Variants in LIMS2 observed in about 807,000 individuals in gnomAD.
LIMS2 encodes the protein LIM and senescent cell antigen-like-containing domain protein 2.
A neutral mutation model predicts 45.3 loss-of-function variants in LIMS2; 30 were observed. The ratio of observed to expected loss-of-function variants is 0.66; its 90% CI spans 0.50 to 0.90. LIMS2 has a LOEUF of 0.90. Among genes scored for constraint, LIMS2 ranks in the 40% least tolerant of loss-of-function variants. The pLI, the probability that LIMS2 is intolerant of heterozygous loss-of-function variation, is 0.00. For missense variants in LIMS2, 485 were observed against 468.7 expected, an observed-to-expected ratio of 1.03 and a Z score of -0.32; for synonymous variants, 173 against 188.0, an observed-to-expected ratio of 0.92 and a Z score of 0.65.
chr2:127,643,079 G>A lies in LIMS2; in HGVS notation c.360-7C>T. 1 of 1,567,316 alleles carries A rather than the reference G, an allele frequency of 6.4e-7. No individual in the cohort carries two copies. The highest frequency in any genetic ancestry group is 8.6e-7 in the Non-Finnish European group (1 of 1,157,944). On this transcript the variant is annotated splice_polypyrimidine_tract_variant and splice_region_variant and intron_variant, in intron 4 of 9. Coordinates refer to ENST00000355119, the MANE Select transcript of LIMS2 (RefSeq NM_001161403.3). ...GCAAGGCCGGCAGAGATGCCTGCGGGAGGCGGGGGCATTAGGGGCAGAGCC... is the reference window on the plus strand; with the variant it reads ...GCAAGGCCGGCAGAGATGCCTGCGGAAGGCGGGGGCATTAGGGGCAGAGCC...
rs35337080 is a variant in LIMS2 at position 127,644,404 on chromosome 2, T to C, written c.360-1332A>G. ...AAGCAGTTGTGGCCTGTGGCTTCAG[T>C]CTTCATCACCACAATCCCTGAAGCC... On this transcript the variant is annotated intron_variant, in intron 4 of 9. Transcript: ENST00000355119. Among the ~76,000 whole-genome samples, 82 of 152,286 alleles carry C rather than the reference T, an allele frequency of 5.4e-4. 1 individual carries two copies. The East Asian group carries it at 0.015, about 28-fold the overall frequency.
At chr2:127,645,667 C>T (rs1257637048) in intron 4 of LIMS2, among the ~76,000 whole-genome samples, 1 of 152,272 alleles carries the variant, frequency 6.6e-6, no homozygotes, top group African/African-American at 2.4e-5. Flanking sequence ...CCTCATTATA[C>T]AGGGCAGGAC....
chr2:127,639,000 G>A lies in LIMS2; in HGVS notation c.*281C>T, dbSNP rs1229817795. 1 of 439,418 alleles carries A rather than the reference G, an allele frequency of 2.3e-6. No individual in the cohort carries two copies. Among genetic ancestry groups the A allele is most frequent in the East Asian group, 4.3e-5 (1 of 23,182 alleles). The allele number at this position is 439,418 out of a possible 1,614,324, so 27.2% of individuals were successfully genotyped here. ...AATTTGCTCCTGTCCCTGGAGGTCT[G>A]TGGGCGGAAGCTGTGGGCACAGGTG... is the stretch of plus-strand genomic sequence containing the variant. On this transcript the variant is annotated 3_prime_UTR_variant, in exon 10 of 10. Coordinates refer to ENST00000355119, the MANE Select transcript of LIMS2 (RefSeq NM_001161403.3).
chr2:127,679,871 C>T (rs543588437), upstream of LIMS2, among the ~76,000 whole-genome samples: 1 of 152,308 alleles, frequency 6.6e-6, no homozygotes, highest in East Asian at 1.9e-4. This position sits in a 1 kb window ranked among gnomAD's most constrained non-coding sequence, Gnocchi z 5.3. Context: ...TCAGGGTCTC[C>T]TGCCACAGCC....
At chr2:127,660,256 A>T (rs1463939477) in intron 1 of LIMS2, among the ~76,000 whole-genome samples, 1 of 152,204 alleles carries the variant, frequency 6.6e-6, no homozygotes, top group Non-Finnish European at 1.5e-5. Flanking sequence ...AATCAGCAGG[A>T]TGTGGGAGGG....
Position 127,642,390 on chromosome 2 carries a change from C to A in LIMS2, c.510-191G>T, listed in dbSNP as rs539301881. The A allele has an allele frequency of 5.6e-4, 333 of 595,754 alleles. 1 individual carries two copies. The African/African-American group carries it at 5.8e-3, about 10-fold the overall frequency. The allele number at this position is 595,754 out of a possible 1,614,324, so 36.9% of individuals were successfully genotyped here. A position where few individuals can be genotyped will look rare whatever the true frequency, so the allele number is the denominator to read the frequency against. On this transcript the variant is annotated intron_variant, in intron 5 of 9. Transcript: ENST00000355119. This position sits in a 1 kb window ranked among gnomAD's most constrained non-coding sequence, Gnocchi z 5.3. ...CCCCAGACAGGCCCTGGAGCACAGA[C>A]TTCCTGCACAGCCCAGAAGAGTGGG...
chr2:127,673,168 A>T (rs1207877683), intron 1 of LIMS2, among the ~76,000 whole-genome samples: 1 of 152,192 alleles, frequency 6.6e-6, no homozygotes, highest in Non-Finnish European at 1.5e-5. Context: ...GAGCGGGTGC[A>T]TTACACTCAG....
exon 1 of LIMS2, chr2:127,681,633 C>T (rs1254865152): frequency 6.6e-6 from 1 of 152,272 alleles, no homozygotes; most frequent in Non-Finnish European, 1.5e-5. Flanking sequence ...GGGCCCAGAG[C>T]CAGGCCCACA....
rs1446194098 is a variant in LIMS2 at position 127,643,545 on chromosome 2, C to T, written c.360-473G>A. 10 of 456,688 alleles carry T rather than the reference C, an allele frequency of 2.2e-5. No homozygotes were observed. The East Asian group carries it at 3.5e-4, about 16-fold the overall frequency. The allele number at this position is 456,688 out of a possible 1,614,324, so 28.3% of individuals were successfully genotyped here. A position where few individuals can be genotyped will look rare whatever the true frequency, so the allele number is the denominator to read the frequency against. ...GAAGAAGGGCCCAAACACGTACAGG[C>T]GATTTCTGTCTCCAAAGACAAGCAC... On this transcript the variant is annotated intron_variant, in intron 4 of 9. Coordinates refer to ENST00000355119, the MANE Select transcript of LIMS2 (RefSeq NM_001161403.3).
chr2:127,654,071 A>G (rs1410305611), intron 4 of LIMS2, among the ~76,000 whole-genome samples: 1 of 151,994 alleles, frequency 6.6e-6, no homozygotes, highest in Non-Finnish European at 1.5e-5. Context: ...GTGGCCCTCA[A>G]TTTAGAGTAA....
At chr2:127,640,203 G>A in intron 8 of LIMS2, 58 bp from the exon 9 acceptor site, 1 of 1,612,386 alleles carries the variant, frequency 6.2e-7, no homozygotes. Flanking sequence ...GCCCGGCTGG[G>A]CTCACAGCTG....
At chr2:127,659,346 C>G (rs1416827631) in intron 1 of LIMS2, among the ~76,000 whole-genome samples, 1 of 152,202 alleles carries the variant, frequency 6.6e-6, no homozygotes, top group Non-Finnish European at 1.5e-5. Flanking sequence ...AAGATGGTGG[C>G]AACAGGAGTT....
rs1028230493 is a variant in LIMS2 at position 127,672,716 on chromosome 2, C to G, written c.11+2298G>C. 2.6e-5 allele frequency among the ~76,000 whole-genome samples: 4 copies of G among 152,258 alleles called. No individual in the cohort carries two copies. The highest frequency in any genetic ancestry group is 9.6e-5 in the African/African-American group (4 of 41,470). On this transcript the variant is annotated intron_variant, in intron 1 of 9. Transcript: ENST00000355119. This position sits in a 1 kb window ranked among gnomAD's most constrained non-coding sequence, Gnocchi z 4.9. The stretch of plus-strand genomic sequence containing the variant: ...CCAGCAGCCCTTTCTCCACACAGCA[C>G]CCATGGGTTCATCTGCAGACAGCAT...
At chr2:127,650,593 G>A (rs1376711002) in intron 4 of LIMS2, 1 of 684,846 alleles carries the variant, frequency 1.5e-6, no homozygotes, top group South Asian at 1.8e-5. Flanking sequence ...CAGCCCCGTG[G>A]GCGGTGCTGA....
chr2:127,657,624 C>T lies in LIMS2; in HGVS notation c.12-62G>A, dbSNP rs1015409802. On this transcript the variant is annotated intron_variant, in intron 1 of 9. Coordinates refer to ENST00000355119, the MANE Select transcript of LIMS2 (RefSeq NM_001161403.3). ...GTCAGGGGTGCAGATGGGGCACACG[C>T]GGGGGCCTGCGCCCGACAGACACAC... 1.8e-5 allele frequency: 27 copies of T among 1,489,080 alleles called. No homozygotes were observed. The African/African-American group carries it at 3.2e-4, about 18-fold the overall frequency. 92.2% of individuals were successfully genotyped at this position (1,489,080 alleles called of 1,614,324 possible). A position where few individuals can be genotyped will look rare whatever the true frequency, so the allele number is the denominator to read the frequency against.
At chr2:127,641,869 G>T in intron 6 of LIMS2, 180 bp downstream of exon 6, 1 of 646,296 alleles carries the variant, frequency 1.5e-6, no homozygotes, top group South Asian at 2.4e-5. Context: ...CCTGGCTCCC[G>T]TGGGCAGGCT....
intron 1 of LIMS2, among the ~76,000 whole-genome samples, chr2:127,663,331 A>G (rs1024028936): frequency 6.6e-6 from 1 of 152,086 alleles, no homozygotes. Context: ...GCTGCCCCAG[A>G]CCTGCCATGC....
intron 3 of LIMS2, 70 bp from the exon 4 acceptor site, chr2:127,654,614 T>C (rs1035506741): frequency 6.2e-7 from 1 of 1,605,032 alleles, no homozygotes; most frequent in African/African-American, 1.3e-5. Flanking sequence ...TCCCAAGCCC[T>C]GTCCACCTAG....
intron 9 of LIMS2, 110 bp from the exon 10 acceptor site, chr2:127,639,538 C>G: frequency 7.3e-7 from 1 of 1,376,194 alleles, no homozygotes; most frequent in Non-Finnish European, 1.0e-6. Flanking sequence ...ACACCAGCCT[C>G]TCCTAGCCAG....
Sources: gnomAD v4.1 joint callset for allele counts (sites outside exome capture counted in the v4.1 genomes callset) on GRCh38, gnomAD v4.1.1 for gene constraint, Gnocchi (gnomAD v3.1) non-coding constraint, MANE v1.5 for transcripts, NCBI Gene and HGNC (gene_info 2026-07-23, HGNC 2026-07-21) for gene names.